DENND4C: variants seen among roughly 807,000 people sequenced by gnomAD.
DENND4C encodes DENN domain containing 4C.
DENND4C carries 108 observed loss-of-function variants against 203.0 expected under a neutral mutation model. The ratio of observed to expected loss-of-function variants is 0.53; its 90% confidence interval spans 0.46 to 0.62. The LOEUF is 0.62. Ranked by LOEUF, DENND4C falls within the 20% of genes least tolerant of loss-of-function variation. DENND4C has a pLI of 0.00. For missense variants in DENND4C, 2,481 were observed against 2,301.2 expected (o/e 1.08, Z -1.60); for synonymous variants, 871 against 792.4 (o/e 1.10, Z -1.67).
At chr9:19,251,840 T>G (rs1826681967) in intron 1 of DENND4C, among the ~76,000 whole-genome samples, 1 of 152,190 alleles carries the variant, frequency 6.6e-6, no homozygotes, top group Non-Finnish European at 1.5e-5. Context: ...AGCCTGAACT[T>G]TATTGTCCAT....
chr9:19,293,677 A>G (rs1205875798), intron 5 of DENND4C, among the ~76,000 whole-genome samples: 1 of 152,212 alleles, frequency 6.6e-6, no homozygotes, highest in African/African-American at 2.4e-5. Context: ...CAAAATACAT[A>G]AAAGCACAAA....
Position 19,325,923 on chromosome 9 carries a change from TTTTC to T in DENND4C, c.1954-12_1954-9del. 6.3e-7 allele frequency: 1 copy of T among 1,595,466 alleles called. No homozygotes were observed. The highest frequency in any genetic ancestry group is 1.1e-5 in the South Asian group (1 of 88,030). ...AGTGGACATTTTCATTAAGAATCTGTTTTCTTTTTTTCTAGTTGTTTCCTGATAA... is the reference window on the plus strand; with the variant it reads ...AGTGGACATTTTCATTAAGAATCTGTTTTTTTTCTAGTTGTTTCCTGATAA... On this transcript the variant is annotated splice_polypyrimidine_tract_variant and intron_variant, in intron 13 of 32. Coordinates refer to ENST00000434457, the MANE Select transcript of DENND4C (RefSeq NM_001330640.2).
At chr9:19,371,852 A>G (rs1828894423) in intron 32 of DENND4C, 32 bp downstream of exon 32, 1 of 1,376,730 alleles carries the variant, frequency 7.3e-7, no homozygotes, top group Non-Finnish European at 1.0e-6. Context: ...TATGAAAGGA[A>G]GTTTTACATT....
intron 6 of DENND4C, 48 bp downstream of exon 6, chr9:19,296,294 A>C: frequency 8.2e-7 from 1 of 1,221,270 alleles, no homozygotes; most frequent in Non-Finnish European, 1.2e-6. Context: ...TGGGTATATA[A>C]ATATATACAT....
At chr9:19,244,091 C>T (rs901987185) in intron 1 of DENND4C, among the ~76,000 whole-genome samples, 3 of 152,024 alleles carry the variant, frequency 2.0e-5, no homozygotes, top group African/African-American at 4.8e-5. Context: ...AGTGCAGTGG[C>T]GCAATCTCGG....
intron 20 of DENND4C, among the ~76,000 whole-genome samples, chr9:19,337,930 G>A (rs1276906061): frequency 6.6e-6 from 1 of 152,142 alleles, no homozygotes; most frequent in Non-Finnish European, 1.5e-5. Context: ...TTGGTTTGTA[G>A]CATCAGTGTG....
chr9:19,364,139 C>T (rs1332888653), intron 30 of DENND4C, among the ~76,000 whole-genome samples: 2 of 151,914 alleles, frequency 1.3e-5, no homozygotes, highest in Non-Finnish European at 2.9e-5. Flanking sequence ...GCTATGATTG[C>T]ACCAGTGTAC....
chr9:19,370,121 TAC>T (rs1404065865), intron 31 of DENND4C, 134 bp downstream of exon 31: 14 of 1,057,380 alleles, frequency 1.3e-5, no homozygotes, highest in African/African-American at 1.3e-4. Flanking sequence ...TTTTAAGTGC[TAC>T]ACAGATATAT....
chr9:19,296,438 C>T lies in DENND4C; in HGVS notation c.1040+192C>T, dbSNP rs1337626055. On this transcript the variant is annotated intron_variant, in intron 6 of 32. Coordinates refer to ENST00000434457, the MANE Select transcript of DENND4C (RefSeq NM_001330640.2). ...GGAGTGCAGTGGTGTGATCTTGGTT[C>T]ACTGCAACCTCCACCTCCTGGGTTC... 2.1e-5 allele frequency among the ~76,000 whole-genome samples: 3 copies of T among 143,580 alleles called. No homozygotes were observed. In the East Asian group the frequency reaches 6.2e-4, roughly 30 times the overall value. The allele number at this position is 143,580 out of a possible 152,430, so 94.2% of individuals were successfully genotyped here.
At chr9:19,240,380 G>A (rs1588714435) in intron 1 of DENND4C, among the ~76,000 whole-genome samples, 1 of 152,006 alleles carries the variant, frequency 6.6e-6, no homozygotes, top group Non-Finnish European at 1.5e-5. Context: ...GTATAAAAGG[G>A]CCGGGAACCA....
chr9:19,353,196 T>A (rs554979609), intron 26 of DENND4C, among the ~76,000 whole-genome samples: 1 of 152,244 alleles, frequency 6.6e-6, no homozygotes, highest in Non-Finnish European at 1.5e-5. Context: ...GCAATAGATA[T>A]AAGACTAGCT....
intron 30 of DENND4C, among the ~76,000 whole-genome samples, chr9:19,365,010 T>G (rs1048416072): frequency 2.0e-5 from 3 of 152,186 alleles, no homozygotes; most frequent in Admixed American, 6.5e-5. Flanking sequence ...GAACAGAGTG[T>G]GGAGAAGTTT....
chr9:19,276,807 T>C (rs1389491830), intron 2 of DENND4C: 1 of 168,384 alleles, frequency 5.9e-6, no homozygotes, highest in Non-Finnish European at 1.3e-5. Flanking sequence ...TGAGAAGCTA[T>C]AATAAAGACA....
rs530657086 is a variant in DENND4C, at chr9:19,271,058, G to A, written c.-17-5100G>A. Among the ~76,000 whole-genome samples, 20 of 152,136 alleles carry A rather than the reference G, an allele frequency of 1.3e-4. No individual in the cohort carries two copies. In the South Asian group the frequency reaches 1.7e-3, roughly 13 times the overall value. ...TGTATGTTGCAAACTCAGAAACATC[G>A]CTGAAAAAAATTTAAAAGATCTAAG... On this transcript the variant is annotated intron_variant, in intron 1 of 32. Coordinates refer to ENST00000434457, the MANE Select transcript of DENND4C (RefSeq NM_001330640.2).
chr9:19,360,261 A>T lies in DENND4C; in HGVS notation c.5178A>T (p.Arg1726Ser). Residue 1726 changes from arginine to serine, a missense_variant, in exon 29 of 33, where the codon AGA becomes AGT. This residue lies in a region of DENND4C where 2,289 missense variants were observed against 2,113.3 expected (regional missense o/e 1.08). Transcript: ENST00000434457. ...TTTTTAAGGATCCTTTAGGAAAAAG[A>T]CCCAATCCTCCCCCTGTTTCTGTGC... ...LQEVVDPLGKRPNPPPVSVPY... is the reference protein window; with the variant it reads ...LQEVVDPLGKSPNPPPVSVPY... 6.2e-7 allele frequency: 1 copy of T among 1,613,088 alleles called. No individual in the cohort carries two copies. Among genetic ancestry groups the T allele is most frequent in the Non-Finnish European group, 8.5e-7 (1 of 1,179,688 alleles).
intron 1 of DENND4C, among the ~76,000 whole-genome samples, chr9:19,248,979 T>A (rs1338094839): frequency 6.6e-6 from 1 of 151,990 alleles, no homozygotes. Context: ...TTAGTAGAGA[T>A]GGGGTTTCAC....
At chr9:19,248,354 C>T (rs368817110) in intron 1 of DENND4C, among the ~76,000 whole-genome samples, 51 of 152,124 alleles carry the variant, frequency 3.4e-4, no homozygotes, top group East Asian at 1.7e-3. Context: ...TTTGCTTGCT[C>T]CTTCATGCCA....
chr9:19,373,187 A>G lies in DENND4C; in HGVS notation c.*1014A>G, dbSNP rs1431340131. 1.3e-5 allele frequency: 2 copies of G among 152,184 alleles called. No homozygotes were observed. Among genetic ancestry groups the G allele is most frequent in the Admixed American group, 6.5e-5 (1 of 15,282 alleles). The allele number at this position is 152,184 out of a possible 1,614,324, so 9.4% of individuals were successfully genotyped here. A position where few individuals can be genotyped will look rare whatever the true frequency, so the allele number is the denominator to read the frequency against. ...AAACCGCAATTATTTTTGTACCAAC[A>G]TAATACACCTTTCATATTATGTATT... On this transcript the variant is annotated 3_prime_UTR_variant, in exon 33 of 33. Transcript: ENST00000434457.
chr9:19,344,670 T>C (rs1195791560), intron 22 of DENND4C, among the ~76,000 whole-genome samples: 1 of 152,098 alleles, frequency 6.6e-6, no homozygotes, highest in Non-Finnish European at 1.5e-5. Flanking sequence ...TCTGGCTAAT[T>C]TTTGTATTTT....
Sources: gnomAD v4.1 joint callset for allele counts (sites outside exome capture counted in the v4.1 genomes callset) on GRCh38, gnomAD v4.1.1 for gene constraint, gnomAD v4.1.1 regional missense constraint, MANE v1.5 for transcripts, NCBI Gene and HGNC (gene_info 2026-07-23, HGNC 2026-07-21) for gene names.